Variants in CCDC80 observed in about 807,000 individuals in gnomAD.
The protein encoded by CCDC80 is coiled-coil domain-containing protein 80.
In CCDC80, 49 loss-of-function variants were observed where a neutral mutation model predicts 78.7. The observed-to-expected ratio is 0.62, with a 90% CI of 0.50 to 0.79. The LOEUF is 0.79. CCDC80 is among the 30% of genes least tolerant of loss of function. CCDC80 has a pLI of 0.00. For missense variants in CCDC80, 1,205 were observed against 1,198.6 expected, an observed-to-expected ratio of 1.01 and a Z score of -0.08; for synonymous variants, 488 against 447.0, an observed-to-expected ratio of 1.09 and a Z score of -1.16.
intron 4 of CCDC80, among the ~76,000 whole-genome samples, chr3:112,617,662 T>C (rs1036264716): frequency 2.6e-5 from 4 of 152,258 alleles, no homozygotes; most frequent in African/African-American, 9.6e-5. Context: ...TCCAGAAATA[T>C]GTTGCATGTT....
intron 7 of CCDC80, among the ~76,000 whole-genome samples, chr3:112,606,809 G>C (rs1935522071): frequency 1.3e-5 from 2 of 152,008 alleles, no homozygotes; most frequent in South Asian, 4.1e-4. Flanking sequence ...GAATCAATGA[G>C]ATATGACCTA....
At chr3:112,630,029 G>A in intron 3 of CCDC80, 84 bp downstream of exon 3, 1 of 1,274,482 alleles carries the variant, frequency 7.8e-7, no homozygotes, top group Non-Finnish European at 1.1e-6. Context: ...TTTTCTTTTG[G>A]ATCCCCCATG....
chr3:112,616,913 T>C (rs1553746757), intron 4 of CCDC80, 55 bp from the exon 5 acceptor site: 4 of 1,570,968 alleles, frequency 2.5e-6, no homozygotes, highest in Non-Finnish European at 3.5e-6. Flanking sequence ...CTTCTCTCTA[T>C]TCAGAGGATA....
At chr3:112,622,175 A>G (rs1479351130) in intron 3 of CCDC80, among the ~76,000 whole-genome samples, 1 of 152,226 alleles carries the variant, frequency 6.6e-6, no homozygotes, top group African/African-American at 2.4e-5. Context: ...GACCAAGATT[A>G]AAGGCAAACT....
At chr3:112,629,744 C>G (rs529172460) in intron 3 of CCDC80, among the ~76,000 whole-genome samples, 21 of 152,124 alleles carry the variant, frequency 1.4e-4, no homozygotes, top group Admixed American at 9.2e-4. Flanking sequence ...TCACCTGCAG[C>G]GGAGAGTCTG....
chr3:112,630,442 T>A (rs1324480145), intron 2 of CCDC80, among the ~76,000 whole-genome samples, 173 bp from the exon 3 acceptor site: 1 of 152,156 alleles, frequency 6.6e-6, no homozygotes, highest in Non-Finnish European at 1.5e-5. Context: ...TGAAAAGGCC[T>A]CTTTTTGTCT....
At chr3:112,633,191 T>A (rs1936132606) in intron 2 of CCDC80, among the ~76,000 whole-genome samples, 1 of 152,196 alleles carries the variant, frequency 6.6e-6, no homozygotes. Flanking sequence ...TACAGATTGA[T>A]TTATTCTTAA....
chr3:112,597,756 C>T lies in CCDC80; in HGVS notation c.*7661G>A, dbSNP rs987716807. ...AAGAGCAATGTTATAATTGCATCCT[C>T]CTAAAGACTACATAACCATCATCAC... On this transcript the variant is annotated 3_prime_UTR_variant, in exon 8 of 8. Transcript: ENST00000206423. The T allele has an allele frequency of 2.0e-5, 3 of 152,078 alleles. No individual in the cohort carries two copies. Among genetic ancestry groups the T allele is most frequent in the African/African-American group, 7.2e-5 (3 of 41,392 alleles). The allele number at this position is 152,078 out of a possible 1,614,324, so 9.4% of individuals were successfully genotyped here.
At chr3:112,634,335 T>A (rs541894968) in intron 2 of CCDC80, among the ~76,000 whole-genome samples, 2 of 152,176 alleles carry the variant, frequency 1.3e-5, no homozygotes, top group Non-Finnish European at 2.9e-5. Context: ...ATTCTTAAAT[T>A]TGCACTTGAA....
chr3:112,614,353 T>A (rs2137199), intron 5 of CCDC80, among the ~76,000 whole-genome samples: 124,187 of 152,092 alleles, frequency 0.82, 53,953 homozygotes, highest in Non-Finnish European at 0.96. Context: ...AGTATATTTA[T>A]CACTGTTAAA....
chr3:112,634,139 AT>A (rs5851855), intron 2 of CCDC80, among the ~76,000 whole-genome samples: 2 of 151,376 alleles, frequency 1.3e-5, no homozygotes, highest in East Asian at 1.9e-4. Context: ...AAAATGCTAG[AT>A]TTTTTTTTAC....
chr3:112,616,634 G>T (rs1935754522), intron 5 of CCDC80, 76 bp downstream of exon 5: 1 of 1,537,990 alleles, frequency 6.5e-7, no homozygotes, highest in Non-Finnish European at 8.9e-7. Flanking sequence ...TGGGATCTGT[G>T]TTTCTTTGGC....
intron 3 of CCDC80, among the ~76,000 whole-genome samples, chr3:112,621,018 A>G (rs1935854077): frequency 1.3e-5 from 2 of 152,166 alleles, no homozygotes; most frequent in Non-Finnish European, 2.9e-5. Flanking sequence ...AAGTCACAAA[A>G]TCACTGAATG....
chr3:112,634,554 CTGTT>C (rs1327823821), intron 2 of CCDC80, among the ~76,000 whole-genome samples: 1 of 152,290 alleles, frequency 6.6e-6, no homozygotes, highest in East Asian at 1.9e-4. Flanking sequence ...TTTTGACTGA[CTGTT>C]TGGAAAGCCA....
chr3:112,616,449 G>GAAAAAAAAAAA (rs59366104), intron 5 of CCDC80, among the ~76,000 whole-genome samples: 1 of 133,650 alleles, frequency 7.5e-6, no homozygotes, highest in Non-Finnish European at 1.6e-5. Flanking sequence ...AAAAAGAAAA[G>GAAAAAAAAAAA]AAAAAAAAAA....
chr3:112,608,574 A>G (rs940993616), intron 6 of CCDC80, among the ~76,000 whole-genome samples: 28 of 152,320 alleles, frequency 1.8e-4, no homozygotes, highest in African/African-American at 5.8e-4. Context: ...GTACCACCAA[A>G]TAGCTGCTAC....
intron 3 of CCDC80, among the ~76,000 whole-genome samples, chr3:112,621,261 A>G (rs988425689): frequency 1.3e-5 from 2 of 152,204 alleles, no homozygotes; most frequent in African/African-American, 4.8e-5. Flanking sequence ...CTTATACATT[A>G]GGGATTGTTC....
At chr3:112,611,938 A>C (rs1935636906) in intron 5 of CCDC80, among the ~76,000 whole-genome samples, 1 of 152,178 alleles carries the variant, frequency 6.6e-6, no homozygotes, top group South Asian at 2.1e-4. Context: ...GTTTGGGTGA[A>C]TAAGAGAAAA....
chr3:112,638,611 C>T lies in CCDC80; in HGVS notation c.1295G>A (p.Arg432Lys), dbSNP rs767411894. 14 of 1,613,942 alleles carry T rather than the reference C, an allele frequency of 8.7e-6. No homozygotes were observed. The highest frequency in any genetic ancestry group is 1.2e-5 in the Non-Finnish European group (14 of 1,179,992). ...CTCCAAGCTGGTGGCCTTGCTGGGC[C>T]TCCTGGTTGTCTGTGGCCTCTCCCT... ...QHRERPQTTR[R>K]PSKATSLESF... Residue 432 changes from arginine to lysine, a missense_variant, in exon 2 of 8, where the codon AGG (arginine) becomes AAG (lysine). By Grantham distance (26) the Arg-to-Lys change is conservative (BLOSUM62 2). Transcript: ENST00000206423.
Sources: allele counts gnomAD v4.1 joint callset (sites outside exome capture counted in the v4.1 genomes callset), GRCh38; gene constraint gnomAD v4.1.1; transcripts MANE v1.5; gene names NCBI Gene and HGNC (gene_info 2026-07-23, HGNC 2026-07-21).